CACNB2: variants seen among roughly 807,000 people sequenced by gnomAD.
CACNB2 encodes voltage-dependent L-type calcium channel subunit beta-2.
A neutral mutation model predicts 73.3 loss-of-function variants in CACNB2; 42 were observed. The ratio of observed to expected loss-of-function variants is 0.57; its 90% CI spans 0.45 to 0.74. CACNB2 has a LOEUF of 0.74. CACNB2 is among the 30% of genes least tolerant of loss of function. The pLI is 0.00. For synonymous variants in CACNB2, 348 were observed against 310.3 expected (o/e 1.12, Z -1.28); for missense variants, 940 against 853.0 (o/e 1.10, Z -1.27).
chr10:18,168,491 C>T (rs1272206312), intron 2 of CACNB2, among the ~76,000 whole-genome samples: 1 of 138,792 alleles, frequency 7.2e-6, no homozygotes, highest in Non-Finnish European at 1.6e-5. Context: ...CATCTTTCTT[C>T]CTTCTTTGTG....
intron 2 of CACNB2, among the ~76,000 whole-genome samples, chr10:18,181,065 G>T: frequency 8.5e-6 from 1 of 117,894 alleles, no homozygotes; most frequent in Non-Finnish European, 1.8e-5. Context: ...AGCCAAAATA[G>T]AAAAAAAAAA....
At chr10:18,474,641 T>C (rs1020403336) in intron 3 of CACNB2, among the ~76,000 whole-genome samples, 1 of 152,130 alleles carries the variant, frequency 6.6e-6, no homozygotes, top group African/African-American at 2.4e-5. Flanking sequence ...CTACCTTGCC[T>C]TGAGAAAGAT....
At chr10:18,264,597 T>C (rs2037706464) in intron 2 of CACNB2, among the ~76,000 whole-genome samples, 1 of 152,196 alleles carries the variant, frequency 6.6e-6, no homozygotes, top group Non-Finnish European at 1.5e-5. Flanking sequence ...CTGAATTTTA[T>C]TCAAATGAAC....
At chr10:18,193,445 T>C (rs918866334) in intron 2 of CACNB2, among the ~76,000 whole-genome samples, 2 of 152,180 alleles carry the variant, frequency 1.3e-5, no homozygotes, top group Non-Finnish European at 2.9e-5. Context: ...TGGTTTCCAC[T>C]CAAGGAAAAG....
intron 2 of CACNB2, among the ~76,000 whole-genome samples, chr10:18,333,439 T>A (rs541922734): frequency 2.8e-5 from 4 of 142,778 alleles, no homozygotes; most frequent in Non-Finnish European, 4.6e-5. Flanking sequence ...ATTTTGTTAA[T>A]GTTAAAAAAA....
chr10:18,302,339 C>G (rs1053010330), intron 2 of CACNB2, among the ~76,000 whole-genome samples: 1 of 152,152 alleles, frequency 6.6e-6, no homozygotes, highest in Non-Finnish European at 1.5e-5. Context: ...ATAGCAGCAG[C>G]AGAAGCGATA....
chr10:18,183,286 C>T (rs1265805616), intron 2 of CACNB2, among the ~76,000 whole-genome samples: 1 of 152,078 alleles, frequency 6.6e-6, no homozygotes, highest in Non-Finnish European at 1.5e-5. Flanking sequence ...GCTTTTCTGC[C>T]TCTGTAACAT....
At chr10:18,314,666 T>TTTTG (rs2040090758) in intron 2 of CACNB2, among the ~76,000 whole-genome samples, 1 of 152,146 alleles carries the variant, frequency 6.6e-6, no homozygotes, top group African/African-American at 2.4e-5. Flanking sequence ...TCAAAAACTG[T>TTTTG]CTGCCATACA....
At chr10:18,355,276 A>G (rs934353381) in intron 2 of CACNB2, among the ~76,000 whole-genome samples, 7 of 152,178 alleles carry the variant, frequency 4.6e-5, no homozygotes, top group African/African-American at 1.7e-4. Flanking sequence ...TAGATTTTGG[A>G]GTTCTGGATG....
At chr10:18,266,361 T>C (rs1026203875) in intron 2 of CACNB2, among the ~76,000 whole-genome samples, 2 of 152,196 alleles carry the variant, frequency 1.3e-5, no homozygotes, top group South Asian at 4.1e-4. Context: ...GTTTGGAATG[T>C]CTTTCCAAGT....
intron 2 of CACNB2, among the ~76,000 whole-genome samples, chr10:18,367,769 T>A (rs531297889): frequency 5.3e-5 from 8 of 152,312 alleles, no homozygotes; most frequent in African/African-American, 1.7e-4. Context: ...GGATACATTT[T>A]TGAAATTGTA....
chr10:18,209,914 G>C (rs2035248229), intron 2 of CACNB2, among the ~76,000 whole-genome samples: 1 of 152,114 alleles, frequency 6.6e-6, no homozygotes, highest in Admixed American at 6.6e-5. Context: ...GTTTGTCATT[G>C]ACAAACTACC....
intron 2 of CACNB2, among the ~76,000 whole-genome samples, chr10:18,310,878 C>T (rs534604438): frequency 8.5e-5 from 13 of 152,132 alleles, no homozygotes; most frequent in African/African-American, 2.9e-4. Flanking sequence ...CCACTGTGCC[C>T]GGACTGTTTT....
Position 18,527,688 on chromosome 10 carries a change from T to C in CACNB2, c.1045T>C (p.Ser349Pro), listed in dbSNP as rs765487369. Residue 349 changes from serine (S) to proline (P), a missense_variant, in exon 10 of 14, where the codon TCA becomes CCA. Transcript: ENST00000324631. ...AATAATAGAAAGATCCAACACAAGGTCAAGCTTAGGTAAGTCTGTGCAATG... is the reference window on the plus strand; with the variant it reads ...AATAATAGAAAGATCCAACACAAGGCCAAGCTTAGGTAAGTCTGTGCAATG... ...HAIIERSNTR[S>P]SLAEVQSEIE... 3 of 1,609,020 alleles carry C rather than the reference T, an allele frequency of 1.9e-6. No individual in the cohort carries two copies. The highest frequency in any genetic ancestry group is 2.6e-6 in the Non-Finnish European group (3 of 1,175,772).
At chr10:18,313,820 T>C (rs1030843429) in intron 2 of CACNB2, among the ~76,000 whole-genome samples, 4 of 152,356 alleles carry the variant, frequency 2.6e-5, no homozygotes, top group Non-Finnish European at 5.9e-5. Flanking sequence ...GTTCCCACAC[T>C]AGCGAAAAAC....
intron 2 of CACNB2, among the ~76,000 whole-genome samples, chr10:18,229,205 A>C (rs916868469): frequency 6.6e-6 from 1 of 152,234 alleles, no homozygotes; most frequent in Non-Finnish European, 1.5e-5. Context: ...TAATATTAGA[A>C]TATTAATTAA....
rs1165180905 is a variant in CACNB2 at position 18,536,035 on chromosome 10, ATAATG to A, written c.1207-63_1207-59del. On this transcript the variant is annotated intron_variant, in intron 11 of 13. Transcript: ENST00000324631. ...AAAAAGGCCCCAGAGAAAGGAGTCA[ATAATG>A]TACCTTGTACTTTACCTGGATGTAG... 4.3e-6 allele frequency: 4 copies of A among 939,636 alleles called. No individual in the cohort carries two copies. The African/African-American group carries it at 6.6e-5, about 15-fold the overall frequency. The allele number at this position is 939,636 out of a possible 1,614,324, so 58.2% of individuals were successfully genotyped here.
intron 2 of CACNB2, among the ~76,000 whole-genome samples, chr10:18,317,341 T>C (rs981168335): frequency 2.0e-5 from 3 of 152,104 alleles, no homozygotes; most frequent in Non-Finnish European, 4.4e-5. Flanking sequence ...AAAGATCCCA[T>C]TGCCCAAGTA....
intron 3 of CACNB2, among the ~76,000 whole-genome samples, chr10:18,485,987 A>G (rs2049041995): frequency 6.6e-6 from 1 of 151,670 alleles, no homozygotes; most frequent in Non-Finnish European, 1.5e-5. Flanking sequence ...AATCCATTAT[A>G]GACATTAAAA....
Sources: allele counts gnomAD v4.1 joint callset (sites outside exome capture counted in the v4.1 genomes callset), GRCh38; gene constraint gnomAD v4.1.1; transcripts MANE v1.5; gene names NCBI Gene and HGNC (gene_info 2026-07-23, HGNC 2026-07-21).